The following ABCA13 variants were observed in gnomAD, a reference collection of about 807,000 sequenced individuals.
ABCA13 encodes the protein ATP binding cassette subfamily A member 13, also known as ATP-binding cassette sub-family A member 13.
Under a neutral mutation model 478.7 loss-of-function variants are expected in ABCA13, and 476 were observed. The ratio of observed to expected loss-of-function variants is 0.99; its 90% CI spans 0.92 to 1.07. ABCA13 has a LOEUF of 1.07. Among genes scored for constraint, ABCA13 ranks in the 50% least tolerant of loss-of-function variants. ABCA13 has a pLI of 0.00. For missense variants in ABCA13, 6,060 were observed against 5,910.6 expected (o/e 1.03, Z -0.83); for synonymous variants, 2,252 against 2,158.9 (o/e 1.04, Z -1.20).
At chr7:48,406,911 G>GTA (rs747530522) in intron 39 of ABCA13, among the ~76,000 whole-genome samples, 31 of 150,512 alleles carry the variant, frequency 2.1e-4, no homozygotes, top group East Asian at 3.9e-4. Context: ...TAAAATATAT[G>GTA]TATATATATA....
chr7:48,387,094 T>A (rs1005256826), intron 35 of ABCA13, among the ~76,000 whole-genome samples: 2 of 152,098 alleles, frequency 1.3e-5, no homozygotes, highest in African/African-American at 4.8e-5. Flanking sequence ...ATCTCTCTTC[T>A]GCTTGATGAT....
At chr7:48,362,409 C>CTTTTTTTTTTTTTTTTTTTTTCTTTTTTT in intron 31 of ABCA13, among the ~76,000 whole-genome samples, 1 of 86,010 alleles carries the variant, frequency 1.2e-5, no homozygotes. Flanking sequence ...TCCTCTTCTT[C>CTTTTTTTTTTTTTTTTTTTTTCTTTTTTT]TTTTTTTTTT....
chr7:48,276,445 T>C lies in ABCA13; in HGVS notation c.6779T>C (p.Ile2260Thr). The C allele has an allele frequency of 1.9e-6, 3 of 1,591,086 alleles. No homozygotes were observed. Reference protein sequence around the residue: ...SRKTVLSLRSIVDFTEQFLKT... With the variant: ...SRKTVLSLRSTVDFTEQFLKT... ...AAAACAGTTCTCTCTCTGAGAAGCATAGTAGATTTCACAGAACAGTTTTTG... is the reference window on the plus strand; with the variant it reads ...AAAACAGTTCTCTCTCTGAGAAGCACAGTAGATTTCACAGAACAGTTTTTG... Residue 2260 changes from isoleucine to threonine, a missense_variant, in exon 17 of 62, where the codon ATA (isoleucine) becomes ACA (threonine). By Grantham distance (89) the Ile-to-Thr change is moderately conservative. Around this residue, in one of 3 missense-constraint regions of ABCA13, gnomAD observed 4,423 missense variants for 4,309.1 expected, o/e 1.03. Coordinates refer to ENST00000435803, the MANE Select transcript of ABCA13 (RefSeq NM_152701.5).
intron 28 of ABCA13, among the ~76,000 whole-genome samples, chr7:48,336,094 G>T (rs1398631425): frequency 2.0e-5 from 3 of 152,164 alleles, no homozygotes; most frequent in Non-Finnish European, 4.4e-5. Context: ...CAGGTAAGTA[G>T]TTCAGAGTAT....
At chr7:48,356,688 A>G (rs1002271312) in intron 31 of ABCA13, among the ~76,000 whole-genome samples, 1 of 151,958 alleles carries the variant, frequency 6.6e-6, no homozygotes, top group East Asian at 1.9e-4. Flanking sequence ...CCTGAAAGGC[A>G]TGCATTGGAA....
intron 3 of ABCA13, among the ~76,000 whole-genome samples, chr7:48,204,914 G>C (rs1784732127): frequency 6.6e-6 from 1 of 152,158 alleles, no homozygotes; most frequent in African/African-American, 2.4e-5. Context: ...AACGATCCAA[G>C]CTCCTGAGCC....
chr7:48,327,544 G>A (rs1804528165), intron 27 of ABCA13, among the ~76,000 whole-genome samples: 1 of 152,178 alleles, frequency 6.6e-6, no homozygotes. Flanking sequence ...AAGAACCCCA[G>A]GGAGTAGACA....
intron 31 of ABCA13, among the ~76,000 whole-genome samples, chr7:48,367,510 A>G (rs1437848388): frequency 6.6e-6 from 1 of 152,218 alleles, no homozygotes; most frequent in Non-Finnish European, 1.5e-5. Flanking sequence ...GCTTTGCTCC[A>G]ACCTGCTCTG....
In ABCA13 at chr7:48,244,574, A is replaced by G. The variant is rs1197668377; in HGVS notation, c.1263-2A>G. 2 of 1,611,814 alleles carry G rather than the reference A, an allele frequency of 1.2e-6. No individual in the cohort carries two copies. The highest frequency in any genetic ancestry group is 1.7e-6 in the Non-Finnish European group (2 of 1,178,874). On this transcript the variant is annotated splice_acceptor_variant, in intron 10 of 61. Transcript: ENST00000435803. LOFTEE classifies it high-confidence loss of function. The stretch of plus-strand genomic sequence containing the variant: ...ATTTCATTTATTTATTTTTGCCCTC[A>G]GATTACAGCATCTGTGGAAATTGCA...
At chr7:48,424,784 G>T (rs574523710) in intron 41 of ABCA13, among the ~76,000 whole-genome samples, 7 of 152,266 alleles carry the variant, frequency 4.6e-5, no homozygotes, top group Admixed American at 1.3e-4. Context: ...GAATTATAAT[G>T]CAAAATAACA....
chr7:48,194,752 T>C (rs1405519434), intron 2 of ABCA13, among the ~76,000 whole-genome samples: 1 of 152,108 alleles, frequency 6.6e-6, no homozygotes, highest in African/African-American at 2.4e-5. Context: ...TTTGTCTTTG[T>C]TGTTTGGAGA....
chr7:48,543,324 T>G (rs1446137934), intron 55 of ABCA13, among the ~76,000 whole-genome samples: 2 of 151,694 alleles, frequency 1.3e-5, no homozygotes, highest in African/African-American at 4.8e-5. Flanking sequence ...AAGACTACAA[T>G]TACAATACAA....
At chr7:48,447,951 G>A (rs1824504015) in intron 42 of ABCA13, among the ~76,000 whole-genome samples, 1 of 152,148 alleles carries the variant, frequency 6.6e-6, no homozygotes, top group African/African-American at 2.4e-5. Context: ...TTTGATAGTA[G>A]GGAAATTTTT....
At chr7:48,492,024 T>C (rs1219442593) in intron 48 of ABCA13, among the ~76,000 whole-genome samples, 1 of 152,076 alleles carries the variant, frequency 6.6e-6, no homozygotes, top group East Asian at 1.9e-4. Flanking sequence ...ATGACAATGG[T>C]TTTTGATGAG....
At chr7:48,418,263 C>CT (rs1820297478) in intron 41 of ABCA13, among the ~76,000 whole-genome samples, 1 of 152,206 alleles carries the variant, frequency 6.6e-6, no homozygotes, top group African/African-American at 2.4e-5. Context: ...AACTGCCAAA[C>CT]TGTCATCCAA....
chr7:48,453,511 G>T (rs1333089450), intron 42 of ABCA13, among the ~76,000 whole-genome samples: 1 of 152,118 alleles, frequency 6.6e-6, no homozygotes, highest in Non-Finnish European at 1.5e-5. Context: ...TCTTGTCTTG[G>T]TTTCTGATCA....
intron 27 of ABCA13, among the ~76,000 whole-genome samples, chr7:48,318,107 T>G (rs1802855795): frequency 6.6e-6 from 1 of 152,126 alleles, no homozygotes; most frequent in Admixed American, 6.5e-5. Context: ...CAAATAGCAT[T>G]AAAAATTTGG....
At chr7:48,498,232 G>A (rs1381477114) in intron 48 of ABCA13, among the ~76,000 whole-genome samples, 2 of 152,178 alleles carry the variant, frequency 1.3e-5, no homozygotes, top group Non-Finnish European at 2.9e-5. Context: ...TGCTGGTGGT[G>A]TTTGCCTAGA....
intron 3 of ABCA13, among the ~76,000 whole-genome samples, chr7:48,202,305 T>C (rs1422498125): frequency 6.6e-6 from 1 of 152,176 alleles, no homozygotes; most frequent in Admixed American, 6.5e-5. Flanking sequence ...ATCCCTGAGC[T>C]AGACACAAAG....
Sources: allele counts gnomAD v4.1 joint callset (sites outside exome capture counted in the v4.1 genomes callset), GRCh38; gene constraint gnomAD v4.1.1; regional missense constraint gnomAD v4.1.1; transcripts MANE v1.5; gene names NCBI Gene and HGNC (gene_info 2026-07-23, HGNC 2026-07-21).